The following MAGI3 variants were observed in gnomAD, a reference collection of about 807,000 sequenced individuals.
MAGI3 encodes membrane-associated guanylate kinase, WW and PDZ domain-containing protein 3.
A neutral mutation model predicts 121.8 loss-of-function variants in MAGI3; 43 were observed. That is an observed-to-expected ratio of 0.35 (90% CI 0.28 to 0.46). MAGI3 has a LOEUF of 0.46. Ranked by LOEUF, MAGI3 falls within the 20% of genes least tolerant of loss-of-function variation. The pLI, the probability that MAGI3 is intolerant of heterozygous loss-of-function variation, is 1.00. For missense variants in MAGI3, 1,547 were observed against 1,797.3 expected, an observed-to-expected ratio of 0.86 and a Z score of 2.52; for synonymous variants, 553 against 639.3, an observed-to-expected ratio of 0.86 and a Z score of 2.04.
chr1:113,682,958 AC>A lies in MAGI3; in HGVS notation c.3395del (p.Pro1132HisfsTer16), dbSNP rs1557891378. The A allele has an allele frequency of 6.2e-6, 10 of 1,612,846 alleles. No homozygotes were observed. The highest frequency in any genetic ancestry group is 2.2e-5 in the East Asian group (1 of 44,878). On this transcript the variant is annotated frameshift_variant, in exon 21 of 21. Transcript: ENST00000307546. LOFTEE classifies it low-confidence loss of function (END_TRUNC). ...NVIYDEQSPL[P>X]PSSHFASIFE... ...TGATTTATGATGAACAGTCACCATT[AC>A]CCCCATCTTCACATTTTGCTTCCAT...
chr1:113,481,466 A>G (rs1656109009), intron 1 of MAGI3, among the ~76,000 whole-genome samples: 1 of 152,190 alleles, frequency 6.6e-6, no homozygotes, highest in South Asian at 2.1e-4. Context: ...TTCACTATAT[A>G]TATAAAGCTT....
chr1:113,484,809 C>T lies in MAGI3; in HGVS notation c.317-64706C>T, dbSNP rs894992520. Among the ~76,000 whole-genome samples, 4 of 149,902 alleles carry T rather than the reference C, an allele frequency of 2.7e-5. No homozygotes were observed. In the East Asian group the frequency reaches 7.9e-4, roughly 30 times the overall value. On this transcript the variant is annotated intron_variant, in intron 1 of 20. Transcript: ENST00000307546. ...GCATGATCTTGTCTCCCTGCAACCT[C>T]TGTGTCCCGGGTTCAAGCAATTCTT...
chr1:113,488,155 T>G (rs1458202673), intron 1 of MAGI3, among the ~76,000 whole-genome samples: 1 of 152,210 alleles, frequency 6.6e-6, no homozygotes, highest in Non-Finnish European at 1.5e-5. Context: ...TTACATCTAG[T>G]TTAGAAAATT....
Position 113,683,596 on chromosome 1 carries a change from A to G in MAGI3, c.4028A>G (p.Gln1343Arg), listed in dbSNP as rs768828955. The G allele has an allele frequency of 9.9e-6, 16 of 1,613,962 alleles. No homozygotes were observed. Among genetic ancestry groups the G allele is most frequent in the Non-Finnish European group, 1.1e-5 (13 of 1,179,898 alleles). ...GACGTCATCAGGAAAGATGCAAAGCAGAATCAGTTGGAAAAAAGCAGAACA... is the reference window on the plus strand; with the variant it reads ...GACGTCATCAGGAAAGATGCAAAGCGGAATCAGTTGGAAAAAAGCAGAACA... ...KSDVIRKDAKQNQLEKSRTRS... is the reference protein window; with the variant it reads ...KSDVIRKDAKRNQLEKSRTRS... The change falls in exon 21 of 21, where the codon CAG (glutamine) becomes CGG (arginine). Residue 1343 changes from glutamine (Q) to arginine (R), a missense_variant. By Grantham distance (43) the Gln-to-Arg change is conservative. Transcript: ENST00000307546.
At chr1:113,418,795 G>A (rs911158643) in intron 1 of MAGI3, among the ~76,000 whole-genome samples, 2 of 152,010 alleles carry the variant, frequency 1.3e-5, no homozygotes, top group Admixed American at 1.3e-4. Context: ...GAGAGAATAT[G>A]ATAGTGAATC....
chr1:113,635,433 G>A (rs1570973592), intron 9 of MAGI3, among the ~76,000 whole-genome samples: 1 of 152,172 alleles, frequency 6.6e-6, no homozygotes, highest in Non-Finnish European at 1.5e-5. Context: ...TTTTTAGCAT[G>A]AAGCGTTGTT....
intron 1 of MAGI3, among the ~76,000 whole-genome samples, chr1:113,393,872 T>G (rs973007337): frequency 6.6e-6 from 1 of 152,232 alleles, no homozygotes; most frequent in Non-Finnish European, 1.5e-5. Flanking sequence ...TACTTAGCAC[T>G]CTCTTGTCTT....
Position 113,616,765 on chromosome 1 carries a change from G to A in MAGI3, c.1076+2107G>A, listed in dbSNP as rs1650496818. On this transcript the variant is annotated intron_variant, in intron 7 of 20. Transcript: ENST00000307546. ...ACATATAATTATACACATTTTGGGG[G>A]TACGTAGTGATGTTTCAGTACACGT... is the stretch of plus-strand genomic sequence containing the variant. Among the ~76,000 whole-genome samples the A allele has an allele frequency of 2.0e-5, 3 of 152,076 alleles. No individual in the cohort carries two copies. In the South Asian group the frequency reaches 6.2e-4, roughly 32 times the overall value.
chr1:113,440,288 A>G (rs1209415877), intron 1 of MAGI3, among the ~76,000 whole-genome samples: 1 of 152,186 alleles, frequency 6.6e-6, no homozygotes. Flanking sequence ...CAACAGAAAA[A>G]CTTACAGTGG....
At chr1:113,532,870 AAG>A (rs1262733698) in intron 1 of MAGI3, among the ~76,000 whole-genome samples, 1 of 152,204 alleles carries the variant, frequency 6.6e-6, no homozygotes, top group Non-Finnish European at 1.5e-5. Flanking sequence ...AAGAGCTACA[AAG>A]AATTGATGTT....
At chr1:113,612,297 A>T (rs1393859968) in intron 6 of MAGI3, among the ~76,000 whole-genome samples, 1 of 152,096 alleles carries the variant, frequency 6.6e-6, no homozygotes. Flanking sequence ...CTTACCAGGC[A>T]ATTGGTATTC....
intron 1 of MAGI3, among the ~76,000 whole-genome samples, chr1:113,447,643 C>T (rs1654244591): frequency 6.6e-6 from 1 of 152,160 alleles, no homozygotes; most frequent in African/African-American, 2.4e-5. Context: ...CACCTGAGGT[C>T]AGGAGTTGGA....
chr1:113,652,671 GA>G (rs896361772), intron 14 of MAGI3, among the ~76,000 whole-genome samples: 1 of 150,938 alleles, frequency 6.6e-6, no homozygotes, highest in Non-Finnish European at 1.5e-5. Context: ...AAAAAAAAAA[GA>G]AAAAAACATA....
intron 9 of MAGI3, among the ~76,000 whole-genome samples, chr1:113,627,761 T>C (rs1005430075): frequency 2.0e-5 from 3 of 151,766 alleles, no homozygotes; most frequent in Non-Finnish European, 4.4e-5. Context: ...ACCCCTTTAT[T>C]ATTATATAAT....
rs1648294863 is a variant in MAGI3 at position 113,682,773 on chromosome 1, T to C, written c.3329-124T>C. On this transcript the variant is annotated intron_variant, in intron 20 of 20. Coordinates refer to ENST00000307546, the MANE Select transcript of MAGI3 (RefSeq NM_001142782.2). ...AGATATGTTGTAAACATATACAAACTGTATAAAATACTCAGGCTTTTTAAG... is the reference window on the plus strand; with the variant it reads ...AGATATGTTGTAAACATATACAAACCGTATAAAATACTCAGGCTTTTTAAG... The C allele has an allele frequency of 5.6e-6, 8 of 1,436,806 alleles. No homozygotes were observed. In the Admixed American group the frequency reaches 1.6e-4, roughly 28 times the overall value. 89.0% of individuals were successfully genotyped at this position (1,436,806 alleles called of 1,614,324 possible). A position where few individuals can be genotyped will look rare whatever the true frequency, so the allele number is the denominator to read the frequency against.
At chr1:113,421,092 A>G (rs1206431984) in intron 1 of MAGI3, among the ~76,000 whole-genome samples, 2 of 152,078 alleles carry the variant, frequency 1.3e-5, no homozygotes, top group Non-Finnish European at 2.9e-5. Context: ...CATATTTTCT[A>G]ACCAGTCTGG....
intron 1 of MAGI3, among the ~76,000 whole-genome samples, chr1:113,439,158 T>C (rs1653790293): frequency 6.6e-6 from 1 of 152,196 alleles, no homozygotes; most frequent in African/African-American, 2.4e-5. Flanking sequence ...AGCATGGACA[T>C]GCCAGACAAA....
At chr1:113,448,437 T>C (rs1654292228) in intron 1 of MAGI3, among the ~76,000 whole-genome samples, 1 of 152,168 alleles carries the variant, frequency 6.6e-6, no homozygotes, top group South Asian at 2.1e-4. Flanking sequence ...ATATCACCAG[T>C]ATAAGAGCAG....
rs1648336622 is a variant in MAGI3 at position 113,683,362 on chromosome 1, G to A, written c.3794G>A (p.Ser1265Asn). Residue 1265 changes from serine to asparagine, a missense_variant, in exon 21 of 21, where the codon AGT becomes AAT. By Grantham distance (46) the Ser-to-Asn change is conservative (BLOSUM62 1). Coordinates refer to ENST00000307546, the MANE Select transcript of MAGI3 (RefSeq NM_001142782.2). ...AGCCCCAGCAAAGGGGAAAATAAAA[G>A]TTGTCAGGTCAGCACCAGGGCAGGC... ...SLSPSKGENK[S>N]CQVSTRAGSG... 6.2e-7 allele frequency: 1 copy of A among 1,613,990 alleles called. No individual in the cohort carries two copies. Among genetic ancestry groups the A allele is most frequent in the African/African-American group, 1.3e-5 (1 of 75,030 alleles).
Sources: allele counts gnomAD v4.1 joint callset (sites outside exome capture counted in the v4.1 genomes callset), GRCh38; gene constraint gnomAD v4.1.1; transcripts MANE v1.5; gene names NCBI Gene and HGNC (gene_info 2026-07-23, HGNC 2026-07-21).